PIP5K1B: variants seen among roughly 807,000 people sequenced by gnomAD.
The protein encoded by PIP5K1B is phosphatidylinositol 4-phosphate 5-kinase type-1 beta.
In PIP5K1B, 42 loss-of-function variants were observed where a neutral mutation model predicts 67.0. The ratio of observed to expected loss-of-function variants is 0.63; its 90% confidence interval spans 0.49 to 0.81. The LOEUF (loss-of-function observed/expected upper bound fraction) is 0.81. PIP5K1B is among the 30% of genes least tolerant of loss of function. The pLI, the probability that PIP5K1B is intolerant of heterozygous loss-of-function variation, is 0.00. For synonymous variants in PIP5K1B, 214 were observed against 231.4 expected (o/e 0.92, Z 0.68); for missense variants, 459 against 646.3 (o/e 0.71, Z 3.14).
chr9:68,967,972 T>C (rs1469504803), intron 14 of PIP5K1B, among the ~76,000 whole-genome samples: 1 of 152,128 alleles, frequency 6.6e-6, no homozygotes, highest in Non-Finnish European at 1.5e-5. Flanking sequence ...GAGCTGCTCT[T>C]ACCAACAGAA....
intron 4 of PIP5K1B, among the ~76,000 whole-genome samples, chr9:68,827,223 G>A (rs964411257): frequency 6.6e-5 from 10 of 152,206 alleles, no homozygotes; most frequent in Admixed American, 5.2e-4. Context: ...GAAAGTAGTA[G>A]GCAGTTTTGG....
chr9:68,987,517 A>G (rs1346425801), intron 14 of PIP5K1B, among the ~76,000 whole-genome samples: 1 of 152,058 alleles, frequency 6.6e-6, no homozygotes, highest in African/African-American at 2.4e-5. Flanking sequence ...AGCCAAGATC[A>G]TGCCATTGCA....
chr9:68,829,917 G>C (rs1040508714), intron 4 of PIP5K1B, among the ~76,000 whole-genome samples: 2 of 152,110 alleles, frequency 1.3e-5, no homozygotes, highest in African/African-American at 4.8e-5. Context: ...CTATGGGGAC[G>C]GAGCACTGGA....
intron 14 of PIP5K1B, among the ~76,000 whole-genome samples, chr9:68,943,186 C>G (rs1191036134): frequency 6.6e-6 from 1 of 152,182 alleles, no homozygotes; most frequent in Non-Finnish European, 1.5e-5. Context: ...TCTGTTTCCT[C>G]CTGGCATTTA....
intron 2 of PIP5K1B, among the ~76,000 whole-genome samples, chr9:68,790,527 G>C (rs1191852352): frequency 6.6e-6 from 1 of 152,190 alleles, no homozygotes; most frequent in Non-Finnish European, 1.5e-5. Flanking sequence ...TTTTATAACA[G>C]AATAAGGTTA....
At chr9:68,875,405 G>C (rs1270283634) in intron 5 of PIP5K1B, among the ~76,000 whole-genome samples, 2 of 150,842 alleles carry the variant, frequency 1.3e-5, no homozygotes, top group Non-Finnish European at 2.9e-5. Flanking sequence ...TAGTTTTCAA[G>C]GGTGACCTGT....
chr9:68,715,681 T>C (rs1358813153), intron 1 of PIP5K1B, among the ~76,000 whole-genome samples: 1 of 152,108 alleles, frequency 6.6e-6, no homozygotes, highest in East Asian at 1.9e-4. Flanking sequence ...ACATGTAGAA[T>C]TGTCTTGAGT....
intron 2 of PIP5K1B, among the ~76,000 whole-genome samples, chr9:68,810,235 A>G (rs1350818636): frequency 6.6e-6 from 1 of 152,240 alleles, no homozygotes; most frequent in Non-Finnish European, 1.5e-5. Context: ...ATAATGACCA[A>G]ATAATCAATG....
At chr9:68,890,758 A>G (rs1297476483) in intron 7 of PIP5K1B, among the ~76,000 whole-genome samples, 1 of 151,796 alleles carries the variant, frequency 6.6e-6, no homozygotes, top group Non-Finnish European at 1.5e-5. Flanking sequence ...AATATGGTGT[A>G]TATGCTTTCA....
intron 1 of PIP5K1B, among the ~76,000 whole-genome samples, chr9:68,721,682 C>T (rs921904203): frequency 6.6e-6 from 1 of 151,824 alleles, no homozygotes; most frequent in African/African-American, 2.4e-5. Flanking sequence ...AGCATGAGAT[C>T]GAATGAGATT....
At chr9:68,749,299 G>C (rs1396000486) in intron 2 of PIP5K1B, among the ~76,000 whole-genome samples, 1 of 152,170 alleles carries the variant, frequency 6.6e-6, no homozygotes, top group East Asian at 1.9e-4. Flanking sequence ...GTGATGTGAA[G>C]ACATAGGCAG....
intron 3 of PIP5K1B, 138 bp downstream of exon 3, chr9:68,818,683 G>A (rs1320344418): frequency 3.3e-5 from 5 of 151,596 alleles, no homozygotes; most frequent in African/African-American, 1.2e-4. Context: ...CATCAAATTT[G>A]AATAAAACAT....
chr9:68,900,343 T>C (rs12005037), intron 8 of PIP5K1B, among the ~76,000 whole-genome samples: 32,360 of 152,156 alleles, frequency 0.21, 3,828 homozygotes, highest in Admixed American at 0.29. Context: ...ACCTGGCTTA[T>C]TCTATACACT....
chr9:68,732,451 T>C (rs1411510604), intron 1 of PIP5K1B, among the ~76,000 whole-genome samples: 3 of 152,188 alleles, frequency 2.0e-5, no homozygotes, highest in Non-Finnish European at 4.4e-5. Context: ...GGAAATTCAT[T>C]CTCTTCCCAC....
intron 14 of PIP5K1B, among the ~76,000 whole-genome samples, chr9:68,953,589 G>A (rs1828209959): frequency 6.6e-6 from 1 of 151,934 alleles, no homozygotes; most frequent in Admixed American, 6.6e-5. Flanking sequence ...GCCGAGGTAG[G>A]AGGACTGTTG....
chr9:68,809,198 GT>G (rs1213322414), intron 2 of PIP5K1B, among the ~76,000 whole-genome samples: 1 of 152,076 alleles, frequency 6.6e-6, no homozygotes, highest in East Asian at 1.9e-4. Flanking sequence ...GTTAAGGATT[GT>G]TTCAGTTTGG....
At chr9:68,727,748 G>A (rs1828224031) in intron 1 of PIP5K1B, 1 of 152,226 alleles carries the variant, frequency 6.6e-6, no homozygotes, top group African/African-American at 2.4e-5. Context: ...AGGTTTCAGA[G>A]CCAGCTGGCC....
intron 2 of PIP5K1B, among the ~76,000 whole-genome samples, chr9:68,802,257 A>G (rs916818309): frequency 1.3e-5 from 2 of 152,218 alleles, no homozygotes; most frequent in Non-Finnish European, 2.9e-5. Context: ...ATCCAGTGCT[A>G]AAAGGAGGAA....
At chr9:68,778,175 T>C (rs1486774740) in intron 2 of PIP5K1B, among the ~76,000 whole-genome samples, 1 of 152,242 alleles carries the variant, frequency 6.6e-6, no homozygotes, top group East Asian at 1.9e-4. Context: ...TTGATTCAAA[T>C]TGGTTCAGAT....
Sources: gnomAD v4.1 joint callset for allele counts (sites outside exome capture counted in the v4.1 genomes callset) on GRCh38, gnomAD v4.1.1 for gene constraint, MANE v1.5 for transcripts, NCBI Gene and HGNC (gene_info 2026-07-23, HGNC 2026-07-21) for gene names.